Variants in SNX24 observed in about 807,000 individuals in gnomAD.
SNX24 encodes the protein sorting nexin 24.
SNX24 carries 22 observed loss-of-function variants against 28.7 expected under a neutral mutation model. The ratio of observed to expected loss-of-function variants is 0.77; its 90% confidence interval spans 0.55 to 1.10. The LOEUF (loss-of-function observed/expected upper bound fraction) is 1.10, where lower values mean the gene tolerates loss of function less well. Among genes scored for constraint, SNX24 ranks in the 50% least tolerant of loss-of-function variants. The pLI is 0.00. For missense variants in SNX24, 221 were observed against 201.1 expected (o/e 1.10, Z -0.60); for synonymous variants, 69 against 71.5 (o/e 0.96, Z 0.18).
At chr5:122,864,801 C>T (rs1394331744) in intron 1 of SNX24, among the ~76,000 whole-genome samples, 1 of 152,234 alleles carries the variant, frequency 6.6e-6, no homozygotes, top group African/African-American at 2.4e-5. Flanking sequence ...CCTCCAGCTG[C>T]ATGACTCCTA....
At chr5:122,902,910 G>C (rs1341981752) in intron 1 of SNX24, among the ~76,000 whole-genome samples, 1 of 151,994 alleles carries the variant, frequency 6.6e-6, no homozygotes, top group Non-Finnish European at 1.5e-5. Context: ...TGCCACTGTT[G>C]CACAAATATA....
chr5:122,991,921 G>T (rs1042469681), intron 3 of SNX24, among the ~76,000 whole-genome samples: 1 of 152,014 alleles, frequency 6.6e-6, no homozygotes, highest in Admixed American at 6.5e-5. Flanking sequence ...AATTTCAATG[G>T]CTCCCTTAAA....
chr5:122,966,983 A>G (rs1023127502), intron 3 of SNX24, among the ~76,000 whole-genome samples: 3 of 152,206 alleles, frequency 2.0e-5, no homozygotes, highest in Non-Finnish European at 4.4e-5. Flanking sequence ...GTATTTAGTC[A>G]TGAAAATTAA....
intron 1 of SNX24, among the ~76,000 whole-genome samples, chr5:122,889,729 A>ATATATATGTATGTG (rs779196032): frequency 3.4e-4 from 5 of 14,630 alleles, no homozygotes; most frequent in Admixed American, 3.4e-3. Context: ...ATGTATGTGT[A>ATATATATGTATGTG]TATATATATA....
chr5:123,013,393 C>T (rs1214669415), downstream of SNX24, among the ~76,000 whole-genome samples: 1 of 152,274 alleles, frequency 6.6e-6, no homozygotes, highest in Admixed American at 6.5e-5. Context: ...TAATTATTTT[C>T]ATTTTGGCTT....
intron 1 of SNX24, among the ~76,000 whole-genome samples, chr5:122,881,190 G>A (rs373823127): frequency 1.4e-4 from 21 of 150,220 alleles, no homozygotes; most frequent in African/African-American, 5.2e-4. Flanking sequence ...TTAAAAATTT[G>A]TTATAGGATA....
At chr5:122,950,233 G>C (rs1198321108) in intron 3 of SNX24, among the ~76,000 whole-genome samples, 3 of 152,114 alleles carry the variant, frequency 2.0e-5, no homozygotes, top group African/African-American at 7.2e-5. Context: ...ATATAAACTA[G>C]AAATTCATCT....
intron 1 of SNX24, 88 bp from the exon 2 acceptor site, chr5:122,936,646 A>T: frequency 1.3e-6 from 1 of 754,114 alleles, no homozygotes; most frequent in South Asian, 2.0e-5. Context: ...AATTAAAGGG[A>T]TGAAATATAT....
intron 1 of SNX24, among the ~76,000 whole-genome samples, chr5:122,884,258 T>C (rs1756602740): frequency 6.9e-6 from 1 of 143,994 alleles, no homozygotes; most frequent in Non-Finnish European, 1.5e-5. Context: ...TTTCTTTTTT[T>C]TTTTTTTTTT....
chr5:123,009,996 C>T (rs1199868883), downstream of SNX24, among the ~76,000 whole-genome samples: 1 of 152,184 alleles, frequency 6.6e-6, no homozygotes, highest in Non-Finnish European at 1.5e-5. Context: ...ATACGGAGCT[C>T]CCAGGAAATA....
intron 3 of SNX24, among the ~76,000 whole-genome samples, chr5:122,957,624 A>T (rs985531227): frequency 2.6e-5 from 4 of 152,210 alleles, no homozygotes; most frequent in Non-Finnish European, 5.9e-5. Context: ...TAATAGTGAC[A>T]TCTTAACAAT....
chr5:123,010,062 A>C (rs1210829601), downstream of SNX24, among the ~76,000 whole-genome samples: 2 of 152,184 alleles, frequency 1.3e-5, no homozygotes, highest in Non-Finnish European at 2.9e-5. Flanking sequence ...GAAGCTGGTG[A>C]CTGGGCCTGC....
intron 1 of SNX24, among the ~76,000 whole-genome samples, chr5:122,918,826 A>T (rs573198233): frequency 2.6e-5 from 4 of 152,242 alleles, no homozygotes; most frequent in Non-Finnish European, 2.9e-5. Flanking sequence ...TACTCTTTCA[A>T]CATACTGCAC....
chr5:123,011,902 A>G (rs1762586599), downstream of SNX24, among the ~76,000 whole-genome samples: 1 of 152,140 alleles, frequency 6.6e-6, no homozygotes, highest in African/African-American at 2.4e-5. Context: ...TCCCCACCCA[A>G]ATCTCATCTT....
At chr5:122,886,314 CT>C (rs1561547473) in intron 1 of SNX24, among the ~76,000 whole-genome samples, 1 of 152,124 alleles carries the variant, frequency 6.6e-6, no homozygotes, top group Non-Finnish European at 1.5e-5. Context: ...TATTTGATTA[CT>C]GGTACATTTC....
rs561385290 is a variant in SNX24 at position 122,973,196 on chromosome 5, C to A, written c.250-26716C>A. On this transcript the variant is annotated intron_variant, in intron 3 of 6. Coordinates refer to ENST00000261369, the MANE Select transcript of SNX24 (RefSeq NM_014035.4). ...ACCTCTTCCCCAGATTTCTTTGTCA[C>A]CAATTTTCCAATCATGCTTCTTCCA... Among the ~76,000 whole-genome samples, 152 of 152,304 alleles carry A rather than the reference C, an allele frequency of 1.0e-3. 2 individuals are homozygous for A. The highest frequency in any genetic ancestry group is 3.6e-3 in the African/African-American group (150 of 41,564).
chr5:123,024,392 C>T (rs189742155), intron 5 of SNX24, among the ~76,000 whole-genome samples: 7 of 152,332 alleles, frequency 4.6e-5, no homozygotes, highest in African/African-American at 1.7e-4. Flanking sequence ...GAGTCAGTTT[C>T]AGCTCCATCC....
intron 1 of SNX24, among the ~76,000 whole-genome samples, chr5:122,896,989 C>T (rs553345790): frequency 1.8e-4 from 28 of 152,286 alleles, no homozygotes; most frequent in Non-Finnish European, 3.2e-4. Context: ...GTCAGTCTCA[C>T]GGTGTCAGTA....
intron 3 of SNX24, among the ~76,000 whole-genome samples, chr5:122,956,299 C>G (rs1760207202): frequency 6.6e-6 from 1 of 151,236 alleles, no homozygotes; most frequent in African/African-American, 2.4e-5. Flanking sequence ...GCAGGGAAGG[C>G]TTAGTTGTCC....
Sources: gnomAD v4.1 joint callset for allele counts (sites outside exome capture counted in the v4.1 genomes callset) on GRCh38, gnomAD v4.1.1 for gene constraint, MANE v1.5 for transcripts, NCBI Gene and HGNC (gene_info 2026-07-23, HGNC 2026-07-21) for gene names.